The following VPS13B variants were observed in gnomAD, a reference collection of about 807,000 sequenced individuals.
VPS13B encodes vacuolar protein sorting 13 homolog B.
A neutral mutation model predicts 426.4 loss-of-function variants in VPS13B; 285 were observed. That is an observed-to-expected ratio of 0.67 (90% CI 0.61 to 0.74). VPS13B has a LOEUF of 0.74. Ranked by LOEUF, VPS13B falls within the 30% of genes least tolerant of loss-of-function variation. VPS13B has a pLI of 0.00. For synonymous variants in VPS13B, 1,676 were observed against 1,676.4 expected (o/e 1.00, Z 0.01); for missense variants, 4,537 against 4,782.6 (o/e 0.95, Z 1.51).
chr8:99,427,946 G>C (rs573456348), intron 21 of VPS13B, among the ~76,000 whole-genome samples: 5 of 152,012 alleles, frequency 3.3e-5, no homozygotes, highest in Non-Finnish European at 4.4e-5. Context: ...GAGATATAGA[G>C]CAATGGAACA....
chr8:99,287,781 C>G (rs1035358833), intron 19 of VPS13B, among the ~76,000 whole-genome samples: 1 of 151,782 alleles, frequency 6.6e-6, no homozygotes, highest in African/African-American at 2.4e-5. Context: ...ATTTTTTTAC[C>G]TGTGAAATTG....
At position 99,821,292 on chromosome 8, in the gene VPS13B, A is replaced by G. The variant is rs1554569259; in HGVS notation, c.8995-2A>G. 3 of 1,613,494 alleles carry G rather than the reference A, an allele frequency of 1.9e-6. No homozygotes were observed. The highest frequency in any genetic ancestry group is 2.5e-6 in the Non-Finnish European group (3 of 1,179,608). On this transcript the variant is annotated splice_acceptor_variant, in intron 49 of 61. Transcript: ENST00000357162. LOFTEE classifies it high-confidence loss of function. ...TTTATAATTGAGGCATTATTTTTCC[A>G]GGAAGCTTTTCAAATTGGAATATAC...
chr8:99,176,402 G>A (rs4319053), intron 16 of VPS13B, among the ~76,000 whole-genome samples: 26,437 of 152,122 alleles, frequency 0.17, 2,813 homozygotes, highest in East Asian at 0.38. Context: ...CTCCCAAAGT[G>A]CTGGGATTAC....
rs794727363 is a variant in VPS13B, at chr8:99,431,602, G to A, written c.3148G>A (p.Glu1050Lys). 1 of 1,613,474 alleles carries A rather than the reference G, an allele frequency of 6.2e-7. No individual in the cohort carries two copies. Among genetic ancestry groups the A allele is most frequent in the Non-Finnish European group, 8.5e-7 (1 of 1,179,744 alleles). ...TATATCTGAAAGCTGTAGAAGTCCT[G>A]AAGAAAGAATGAAGGAATTTATTGG... ...LNISESCRSP[E>K]ERMKEFIGIV... The change falls in exon 22 of 62, where the codon GAA (glutamate) becomes AAA (lysine). Residue 1050 changes from glutamate to lysine, a missense_variant. By Grantham distance (56) the Glu-to-Lys change is moderately conservative (BLOSUM62 1). Transcript: ENST00000357162.
At chr8:99,582,816 CG>C (rs1826133600) in intron 33 of VPS13B, among the ~76,000 whole-genome samples, 1 of 152,054 alleles carries the variant, frequency 6.6e-6, no homozygotes, top group African/African-American at 2.4e-5. Flanking sequence ...CCACCACGCC[CG>C]GCTAATTTTT....
At chr8:99,367,085 A>G (rs190029915) in intron 19 of VPS13B, among the ~76,000 whole-genome samples, 10 of 152,292 alleles carry the variant, frequency 6.6e-5, no homozygotes. Context: ...TGTGCTTACT[A>G]TTACCAGAGA....
intron 19 of VPS13B, among the ~76,000 whole-genome samples, chr8:99,315,273 C>T (rs3103712): frequency 0.82 from 125,182 of 151,804 alleles, 52,120 homozygotes; most frequent in South Asian, 0.89. Context: ...ATGCAAATAT[C>T]TGGTTGCTTG....
At chr8:99,463,072 T>C (rs1818920885) in intron 23 of VPS13B, among the ~76,000 whole-genome samples, 1 of 152,074 alleles carries the variant, frequency 6.6e-6, no homozygotes, top group Admixed American at 6.6e-5. Context: ...TAGAGAGTAG[T>C]AGGAGTCTTC....
intron 17 of VPS13B, among the ~76,000 whole-genome samples, chr8:99,262,436 T>TG (rs1818092620): frequency 6.6e-6 from 1 of 152,192 alleles, no homozygotes; most frequent in Admixed American, 6.5e-5. Flanking sequence ...TGTCACCTAT[T>TG]GAATCTTAGA....
At chr8:99,096,246 A>C (rs1251884738) in intron 3 of VPS13B, 66 bp from the exon 4 acceptor site, 20 of 1,589,238 alleles carry the variant, frequency 1.3e-5, no homozygotes, top group Admixed American at 6.9e-5. Context: ...TATATTAAAA[A>C]ATTTTTTTTC....
intron 19 of VPS13B, among the ~76,000 whole-genome samples, chr8:99,293,147 CA>C (rs1363496156): frequency 1.3e-5 from 2 of 149,296 alleles, no homozygotes; most frequent in African/African-American, 5.0e-5. Context: ...AACTATACTA[CA>C]AGGCTACAGT....
chr8:99,723,696 C>G (rs988821330), intron 39 of VPS13B, among the ~76,000 whole-genome samples: 6 of 152,044 alleles, frequency 3.9e-5, no homozygotes, highest in African/African-American at 1.4e-4. Context: ...GTAGCCTTGG[C>G]ATATAAGCAA....
At chr8:99,736,040 T>C (rs1164788533) in intron 39 of VPS13B, among the ~76,000 whole-genome samples, 1 of 152,222 alleles carries the variant, frequency 6.6e-6, no homozygotes, top group African/African-American at 2.4e-5. Flanking sequence ...AGTAGAGTAA[T>C]GGTAAAAACA....
intron 47 of VPS13B, 87 bp downstream of exon 47, chr8:99,818,975 AGGGGTGGGT>A: frequency 8.2e-5 from 11 of 133,538 alleles, no homozygotes; most frequent in Non-Finnish European, 1.5e-4. Context: ...GCGGCGGGGG[AGGGGTGGGT>A]AGGGAGATGG....
At chr8:99,868,555 A>G (rs1817220663) in intron 59 of VPS13B, 90 bp downstream of exon 59, 1 of 1,454,682 alleles carries the variant, frequency 6.9e-7, no homozygotes, top group Non-Finnish European at 9.4e-7. Context: ...GTAACCTTTC[A>G]CATGGCAGAC....
chr8:99,718,077 T>C (rs75371221), intron 37 of VPS13B, among the ~76,000 whole-genome samples: 8 of 151,966 alleles, frequency 5.3e-5, no homozygotes, highest in African/African-American at 1.9e-4. Flanking sequence ...TTTTTTTTTT[T>C]ATGGGTAGAC....
At chr8:99,331,168 G>A (rs1262234424) in intron 19 of VPS13B, among the ~76,000 whole-genome samples, 1 of 151,802 alleles carries the variant, frequency 6.6e-6, no homozygotes, top group Non-Finnish European at 1.5e-5. Flanking sequence ...ACCTATAGAA[G>A]AAAATTTAAA....
intron 16 of VPS13B, among the ~76,000 whole-genome samples, chr8:99,173,013 T>C (rs1389633105): frequency 6.6e-6 from 1 of 152,172 alleles, no homozygotes; most frequent in Non-Finnish European, 1.5e-5. Context: ...TCTGATATAA[T>C]TATTACTTAT....
intron 21 of VPS13B, among the ~76,000 whole-genome samples, chr8:99,407,936 G>A (rs1448125838): frequency 1.3e-5 from 2 of 152,174 alleles, no homozygotes; most frequent in Admixed American, 6.5e-5. Flanking sequence ...ATGGGGGATT[G>A]AGAGAAAGGT....
Sources: allele counts gnomAD v4.1 joint callset (sites outside exome capture counted in the v4.1 genomes callset), GRCh38; gene constraint gnomAD v4.1.1; transcripts MANE v1.5; gene names NCBI Gene and HGNC (gene_info 2026-07-23, HGNC 2026-07-21).